DOC2A: variants seen among roughly 807,000 people sequenced by gnomAD.
DOC2A encodes the protein double C2-like domain-containing protein alpha.
Under a neutral mutation model 40.6 loss-of-function variants are expected in DOC2A, and 28 were observed. The ratio of observed to expected loss-of-function variants is 0.69; its 90% CI spans 0.51 to 0.95. The LOEUF is 0.95. Ranked by LOEUF, DOC2A falls within the 40% of genes least tolerant of loss-of-function variation. The pLI is 0.00. For synonymous variants in DOC2A, 241 were observed against 236.9 expected, an observed-to-expected ratio of 1.02 and a Z score of -0.16; for missense variants, 474 against 552.5, an observed-to-expected ratio of 0.86 and a Z score of 1.42.
At chr16:30,007,352 G>C in intron 5 of DOC2A, 53 bp from the exon 6 acceptor site, 1 of 1,612,514 alleles carries the variant, frequency 6.2e-7, no homozygotes, top group Non-Finnish European at 8.5e-7. Flanking sequence ...CCCCGTTCCG[G>C]GGTGTAGGAA....
Position 30,009,857 on chromosome 16 carries a change from C to A in DOC2A, c.262+104G>T, listed in dbSNP as rs1013770552. On this transcript the variant is annotated intron_variant, in intron 2 of 10. Coordinates refer to ENST00000350119, the MANE Select transcript of DOC2A (RefSeq NM_003586.3). The surrounding 1 kb of genome is among the most constrained non-coding windows in gnomAD (Gnocchi z 4.1). ...TGCCACCCCCCCACTGCCCTCCTCC[C>A]CTACCTACATGCACAGCCAGCAGGG... 8 of 1,405,446 alleles carry A rather than the reference C, an allele frequency of 5.7e-6. No individual in the cohort carries two copies. The South Asian group carries it at 7.2e-5, about 13-fold the overall frequency. 87.1% of individuals were successfully genotyped at this position (1,405,446 alleles called of 1,614,324 possible). A position where few individuals can be genotyped will look rare whatever the true frequency, so the allele number is the denominator to read the frequency against.
upstream of DOC2A, among the ~76,000 whole-genome samples, chr16:30,015,681 T>G (rs945543961): frequency 9.4e-5 from 14 of 149,248 alleles, no homozygotes; most frequent in African/African-American, 3.4e-4. Flanking sequence ...CTTTCTTCCT[T>G]CCTTCTTTCC....
chr16:30,009,254 T>C lies in DOC2A; in HGVS notation c.365A>G (p.Asn122Ser), dbSNP rs888805591. 3.2e-6 allele frequency: 5 copies of C among 1,564,100 alleles called. No individual in the cohort carries two copies. Among genetic ancestry groups the C allele is most frequent in the African/African-American group, 2.7e-5 (2 of 73,634 alleles). The stretch of plus-strand genomic sequence containing the variant: ...CTTGACGTAGGGGTCGGCGAGGCCA[T>C]TGAAATCCATGGGCTTGAGGCCCTG... ...RAKGLKPMDF[N>S]GLADPYVKLH... Residue 122 changes from asparagine to serine, a missense_variant, in exon 4 of 11, where the codon AAT (asparagine) becomes AGT (serine). Physicochemically the swap from Asn to Ser is conservative, Grantham distance 46 (BLOSUM62 1). Coordinates refer to ENST00000350119, the MANE Select transcript of DOC2A (RefSeq NM_003586.3). This position sits in a 1 kb window ranked among gnomAD's most constrained non-coding sequence, Gnocchi z 4.1.
intron 1 of DOC2A, among the ~76,000 whole-genome samples, chr16:30,017,646 G>C (rs756571441): frequency 6.6e-6 from 1 of 152,092 alleles, no homozygotes; most frequent in African/African-American, 2.4e-5. Flanking sequence ...AAAAAGGGGA[G>C]GGAGGGAAAG....
upstream of DOC2A, among the ~76,000 whole-genome samples, chr16:30,022,822 G>A (rs1358978124): frequency 1.3e-5 from 2 of 151,986 alleles, no homozygotes; most frequent in Non-Finnish European, 2.9e-5. Flanking sequence ...TAAAAGGAAG[G>A]GATTTATCCA....
upstream of DOC2A, among the ~76,000 whole-genome samples, chr16:30,017,081 C>T (rs1352134020): frequency 6.6e-6 from 1 of 151,948 alleles, no homozygotes; most frequent in Non-Finnish European, 1.5e-5. Context: ...GAAAAGAAAT[C>T]ATTCTACCAG....
chr16:30,016,046 TATA>T (rs2070852581), upstream of DOC2A, among the ~76,000 whole-genome samples: 2 of 26,114 alleles, frequency 7.7e-5, no homozygotes, highest in African/African-American at 1.3e-4. Flanking sequence ...TATATATATA[TATA>T]TATATATTTT....
At chr16:30,011,161 A>G, upstream of DOC2A, 1 of 652,104 alleles carries the variant, frequency 1.5e-6, no homozygotes, top group Non-Finnish European at 1.9e-6. Context: ...AGCGCACGCG[A>G]GCGCGCACAC....
At chr16:30,007,325 C>A in intron 5 of DOC2A, 26 bp from the exon 6 acceptor site, 1 of 1,613,424 alleles carries the variant, frequency 6.2e-7, no homozygotes, top group South Asian at 1.1e-5. Context: ...AGTGTCAGGG[C>A]CCCTGGGGTA....
chr16:30,009,878 C>T lies in DOC2A; in HGVS notation c.262+83G>A. 1.3e-6 allele frequency: 2 copies of T among 1,536,564 alleles called. No individual in the cohort carries two copies. Among genetic ancestry groups the T allele is most frequent in the East Asian group, 2.3e-5 (1 of 43,820 alleles). On this transcript the variant is annotated intron_variant, in intron 2 of 10. Coordinates refer to ENST00000350119, the MANE Select transcript of DOC2A (RefSeq NM_003586.3). This position sits in a 1 kb window ranked among gnomAD's most constrained non-coding sequence, Gnocchi z 4.1. Reference sequence around the variant, plus strand: ...CTCCCCTACCTACATGCACAGCCAGCAGGGCCCATCCCCCTCTCCCCCCAC... The same window carrying T: ...CTCCCCTACCTACATGCACAGCCAGTAGGGCCCATCCCCCTCTCCCCCCAC...
upstream of DOC2A, among the ~76,000 whole-genome samples, chr16:30,015,803 C>T (rs1418787950): frequency 6.8e-6 from 1 of 147,498 alleles, no homozygotes; most frequent in East Asian, 2.0e-4. Flanking sequence ...TGGGCTCAGG[C>T]GATCCTCCCA....
Position 30,010,838 on chromosome 16 carries a change from G to A in DOC2A, c.-14+65C>T. The A allele has an allele frequency of 2.0e-6, 2 of 978,176 alleles. No individual in the cohort carries two copies. The highest frequency in any genetic ancestry group is 1.1e-4 in the East Asian group (1 of 8,874). 60.6% of individuals were successfully genotyped at this position (978,176 alleles called of 1,614,324 possible). ...CAGGAGAGCCGAACACCCCCGTAGC[G>A]CACACAGGCTGGCACGCTTCCCCGC... is the stretch of plus-strand genomic sequence containing the variant. On this transcript the variant is annotated intron_variant, in intron 1 of 10. Transcript: ENST00000350119. This position sits in a 1 kb window ranked among gnomAD's most constrained non-coding sequence, Gnocchi z 4.2.
chr16:30,021,879 C>A (rs888260678), upstream of DOC2A, among the ~76,000 whole-genome samples: 1 of 152,048 alleles, frequency 6.6e-6, no homozygotes, highest in Non-Finnish European at 1.5e-5. Context: ...AACCCCCCCC[C>A]CAGGAAGTGT....
In DOC2A at chr16:30,006,511, TAGG is replaced by T. The variant is rs1161354931; in HGVS notation, c.961-5_961-3del. On this transcript the variant is annotated splice_region_variant and splice_polypyrimidine_tract_variant and intron_variant, in intron 9 of 10. Transcript: ENST00000350119. The surrounding 1 kb of genome is among the most constrained non-coding windows in gnomAD (Gnocchi z 6.2). ...GAGCTCTATCTCGTAGAAAAACTCCTAGGGACAAGGCCGGCCACCCGTTCGTGA... is the reference window on the plus strand; with the variant it reads ...GAGCTCTATCTCGTAGAAAAACTCCTGACAAGGCCGGCCACCCGTTCGTGA... 1 of 1,613,582 alleles carries T rather than the reference TAGG, an allele frequency of 6.2e-7. No individual in the cohort carries two copies. Among genetic ancestry groups the T allele is most frequent in the Non-Finnish European group, 8.5e-7 (1 of 1,179,926 alleles).
chr16:30,021,877 C>G (rs1185163267), upstream of DOC2A, among the ~76,000 whole-genome samples: 1 of 152,020 alleles, frequency 6.6e-6, no homozygotes, highest in African/African-American at 2.4e-5. Flanking sequence ...GGAACCCCCC[C>G]CCCAGGAAGT....
chr16:30,011,893 G>C (rs1392279454), upstream of DOC2A, among the ~76,000 whole-genome samples: 1 of 152,108 alleles, frequency 6.6e-6, no homozygotes, highest in African/African-American at 2.4e-5. Context: ...CCGCAGGTGG[G>C]AAGGGGCGTC....
chr16:30,016,039 ATATATATATATATATATTTTTTT>A (rs1169880103), upstream of DOC2A, among the ~76,000 whole-genome samples: 44 of 55,438 alleles, frequency 7.9e-4, no homozygotes, highest in Admixed American at 2.6e-3. Context: ...ATATATATAT[ATATATATATATATATATTTTTTT>A]TTTTTTTTTT....
upstream of DOC2A, among the ~76,000 whole-genome samples, chr16:30,016,412 G>A (rs2070857457): frequency 6.6e-6 from 1 of 152,156 alleles, no homozygotes; most frequent in Admixed American, 6.6e-5. Flanking sequence ...AAGAAAGGAA[G>A]CAGGACGAAG....
chr16:30,023,185 G>A, upstream of DOC2A: 2 of 602,306 alleles, frequency 3.3e-6, no homozygotes. Context: ...AGGGGGTGAA[G>A]ACTGGTCCCA....
Sources: allele counts gnomAD v4.1 joint callset (sites outside exome capture counted in the v4.1 genomes callset), GRCh38; gene constraint gnomAD v4.1.1; non-coding constraint Gnocchi (gnomAD v3.1); transcripts MANE v1.5; gene names NCBI Gene and HGNC (gene_info 2026-07-23, HGNC 2026-07-21).